The following RGS6 variants were observed in gnomAD, a reference collection of about 807,000 sequenced individuals.
RGS6 encodes the protein regulator of G-protein signaling 6.
Under a neutral mutation model 78.5 loss-of-function variants are expected in RGS6, and 30 were observed. That is an observed-to-expected ratio of 0.38 (90% CI 0.29 to 0.52). RGS6 has a LOEUF of 0.52. RGS6 is among the 20% of genes least tolerant of loss of function. RGS6 has a pLI of 0.85. For synonymous variants in RGS6, 206 were observed against 206.0 expected, an observed-to-expected ratio of 1.00 and a Z score of 0.00; for missense variants, 495 against 609.7, an observed-to-expected ratio of 0.81 and a Z score of 1.98.
At position 72,552,057 on chromosome 14, in the gene RGS6, CTTAT is replaced by C. The variant is rs370924134; in HGVS notation, c.1423-10356_1423-10353del. Among the ~76,000 whole-genome samples, 1,374 of 152,248 alleles carry C rather than the reference CTTAT, an allele frequency of 9.0e-3. 18 individuals are homozygous for C. Among genetic ancestry groups the C allele is most frequent in the African/African-American group, 0.031 (1,283 of 41,534 alleles). ...CTCATACTTAGGCTGCGCTTATTAC[CTTAT>C]TTAATTTCCAACAATATTCTGCAAG... On this transcript the variant is annotated intron_variant, in intron 17 of 17. Coordinates refer to ENST00000553525, the MANE Select transcript of RGS6 (RefSeq NM_001204424.2).
At chr14:72,378,705 T>G (rs886505418) in intron 3 of RGS6, among the ~76,000 whole-genome samples, 1 of 151,938 alleles carries the variant, frequency 6.6e-6, no homozygotes, top group Non-Finnish European at 1.5e-5. Flanking sequence ...ATAAAAAGTT[T>G]CCCAAAAAAG....
intron 3 of RGS6, among the ~76,000 whole-genome samples, chr14:72,424,799 G>C (rs368622187): frequency 1.4e-4 from 22 of 152,242 alleles, no homozygotes; most frequent in East Asian, 7.7e-4. Flanking sequence ...CTGAGTTCTG[G>C]GGGGGCAATG....
At chr14:71,957,856 C>G (rs2092909071) in intron 1 of RGS6, among the ~76,000 whole-genome samples, 3 of 152,074 alleles carry the variant, frequency 2.0e-5, no homozygotes. Flanking sequence ...GCCTCCAACT[C>G]CTGGGCTCAA....
chr14:72,295,350 C>T (rs138474051), intron 2 of RGS6, among the ~76,000 whole-genome samples: 3,645 of 151,662 alleles, frequency 0.024, 76 homozygotes, highest in Middle Eastern at 0.11. Flanking sequence ...CTCCAGTATA[C>T]GCAACTGTGA....
chr14:72,080,774 A>G (rs1417543643), intron 2 of RGS6, among the ~76,000 whole-genome samples: 4 of 152,126 alleles, frequency 2.6e-5, no homozygotes, highest in Non-Finnish European at 4.4e-5. Flanking sequence ...TTTAAGAGAC[A>G]GTCTTTTCCC....
intron 1 of RGS6, among the ~76,000 whole-genome samples, chr14:71,945,679 C>A (rs138783755): frequency 1.5e-3 from 233 of 152,210 alleles, no homozygotes; most frequent in Middle Eastern, 0.01. Context: ...CAGCCATCCA[C>A]GTGTGATGAT....
rs185006841 is a variant in RGS6 at position 72,283,939 on chromosome 14, G to A, written c.85-68156G>A. 1.6e-4 allele frequency among the ~76,000 whole-genome samples: 25 copies of A among 152,278 alleles called. No individual in the cohort carries two copies. The East Asian group carries it at 4.4e-3, about 27-fold the overall frequency. ...AGTCCAGATTGAGGTGTTCTCAGAT[G>A]GAGATGAGGAACTTGTTAGGAACTG... is the stretch of plus-strand genomic sequence containing the variant. On this transcript the variant is annotated intron_variant, in intron 2 of 17. Coordinates refer to ENST00000553525, the MANE Select transcript of RGS6 (RefSeq NM_001204424.2).
At chr14:72,067,006 G>C (rs1346052618) in intron 2 of RGS6, among the ~76,000 whole-genome samples, 3 of 152,072 alleles carry the variant, frequency 2.0e-5, no homozygotes, top group Admixed American at 6.6e-5. Flanking sequence ...CTTTTTTATG[G>C]CTGCATAGTT....
chr14:72,417,203 T>C (rs2093878015), intron 3 of RGS6, among the ~76,000 whole-genome samples: 1 of 152,210 alleles, frequency 6.6e-6, no homozygotes, highest in South Asian at 2.1e-4. Flanking sequence ...AGCACTCAGC[T>C]ATGAAAAAAT....
the RGS6 span, among the ~76,000 whole-genome samples, chr14:71,919,902 G>A: frequency 2.0e-5 from 3 of 152,132 alleles, no homozygotes; most frequent in African/African-American, 7.2e-5. Context: ...TCTGAGGCAG[G>A]AGAATCATTT....
chr14:72,296,787 A>G (rs1271542202), intron 2 of RGS6, among the ~76,000 whole-genome samples: 1 of 152,162 alleles, frequency 6.6e-6, no homozygotes, highest in Non-Finnish European at 1.5e-5. Context: ...TAAATTTTGC[A>G]GTTAAATTTA....
At chr14:72,112,116 A>G (rs940028432) in intron 2 of RGS6, among the ~76,000 whole-genome samples, 3 of 152,182 alleles carry the variant, frequency 2.0e-5, no homozygotes, top group African/African-American at 7.2e-5. Context: ...CTGTCACATT[A>G]GCAGATGGTG....
intron 1 of RGS6, among the ~76,000 whole-genome samples, chr14:71,957,962 C>T (rs911628843): frequency 4.6e-5 from 7 of 151,686 alleles, no homozygotes; most frequent in Non-Finnish European, 8.8e-5. Context: ...GAGATTGGGT[C>T]TTGCTATGTT....
At chr14:72,074,558 A>G (rs2094512930) in intron 2 of RGS6, among the ~76,000 whole-genome samples, 1 of 152,158 alleles carries the variant, frequency 6.6e-6, no homozygotes, top group Non-Finnish European at 1.5e-5. Context: ...ACATACCATT[A>G]TTGTTGAAAA....
intron 2 of RGS6, among the ~76,000 whole-genome samples, chr14:72,005,439 C>CTCTCTCTATCTATCTATCTATCTA: frequency 7.0e-6 from 1 of 143,638 alleles, no homozygotes; most frequent in South Asian, 2.2e-4. Context: ...ACCTGCATAT[C>CTCTCTCTATCTATCTATCTATCTA]TCTATCTATC....
chr14:72,344,176 T>G (rs914626110), intron 2 of RGS6, among the ~76,000 whole-genome samples: 1 of 152,222 alleles, frequency 6.6e-6, no homozygotes, highest in Non-Finnish European at 1.5e-5. Context: ...CTTGTCTGCT[T>G]TTTTCTCCCA....
intron 2 of RGS6, among the ~76,000 whole-genome samples, chr14:72,322,398 A>G (rs1413225671): frequency 6.6e-6 from 1 of 152,048 alleles, no homozygotes; most frequent in Admixed American, 6.5e-5. Flanking sequence ...TTAGTATAGA[A>G]GAAATACAGA....
chr14:72,619,197 G>A, the RGS6 span: 1 of 1,203,498 alleles, frequency 8.3e-7, no homozygotes. Context: ...TTTCCTTGCA[G>A]TTGGTCTGGC....
At chr14:72,447,278 CT>C (rs2095389290) in intron 3 of RGS6, among the ~76,000 whole-genome samples, 1 of 152,144 alleles carries the variant, frequency 6.6e-6, no homozygotes, top group South Asian at 2.1e-4. Context: ...ATTTTGCTTT[CT>C]GCCCTCACTT....
Sources: gnomAD v4.1 joint callset for allele counts (sites outside exome capture counted in the v4.1 genomes callset) on GRCh38, gnomAD v4.1.1 for gene constraint, MANE v1.5 for transcripts, NCBI Gene and HGNC (gene_info 2026-07-23, HGNC 2026-07-21) for gene names.